The following UNC5B variants were observed in gnomAD, a reference collection of about 807,000 sequenced individuals.
The protein encoded by UNC5B is unc-5 netrin receptor B.
UNC5B carries 56 observed loss-of-function variants against 103.7 expected under a neutral mutation model. The ratio of observed to expected loss-of-function variants is 0.54; its 90% CI spans 0.44 to 0.67. The LOEUF (loss-of-function observed/expected upper bound fraction) is 0.67. Ranked by LOEUF, UNC5B falls within the 30% of genes least tolerant of loss-of-function variation. UNC5B has a pLI of 0.00. For missense variants in UNC5B, 1,194 were observed against 1,284.5 expected (o/e 0.93, Z 1.08); for synonymous variants, 577 against 542.0 (o/e 1.06, Z -0.90).
At chr10:71,235,191 A>G (rs1843752940) in intron 1 of UNC5B, among the ~76,000 whole-genome samples, 1 of 151,948 alleles carries the variant, frequency 6.6e-6, no homozygotes, top group African/African-American at 2.4e-5. Flanking sequence ...CTTCTTTCCA[A>G]ATCTGTTCCC....
intron 1 of UNC5B, among the ~76,000 whole-genome samples, chr10:71,224,111 A>G (rs1292870858): frequency 1.3e-5 from 2 of 152,204 alleles, no homozygotes; most frequent in Non-Finnish European, 2.9e-5. Flanking sequence ...CCAGAGGCTG[A>G]TCTGGAATTC....
At chr10:71,271,564 G>T (rs1420204359) in intron 1 of UNC5B, among the ~76,000 whole-genome samples, 1 of 152,230 alleles carries the variant, frequency 6.6e-6, no homozygotes, top group Non-Finnish European at 1.5e-5. Flanking sequence ...GAGGGCCTTG[G>T]GGGTGGAAGT....
intron 1 of UNC5B, among the ~76,000 whole-genome samples, chr10:71,240,165 C>T (rs770042976): frequency 2.6e-5 from 4 of 152,328 alleles, no homozygotes; most frequent in Non-Finnish European, 4.4e-5. Flanking sequence ...CCGCGCTTCT[C>T]GTGTGCCAAC....
In UNC5B at chr10:71,280,024, G is replaced by T; in HGVS notation, c.283G>T (p.Glu95Ter). ...CAGCCAGAACGACCACGTCACACAG[G>T]AAGGCCTGGATGAGGCCACCGGTGA... ...WVSQNDHVTQ[E>*]GLDEATGLRV... Residue 95 changes from glutamate (E) to a stop codon, truncating the protein, a stop_gained, in exon 2 of 17, where the codon GAA (glutamate) becomes TAA (stop). Coordinates refer to ENST00000335350, the MANE Select transcript of UNC5B (RefSeq NM_170744.5). LOFTEE classifies it high-confidence loss of function. 6.2e-7 allele frequency: 1 copy of T among 1,613,936 alleles called. No individual in the cohort carries two copies. Among genetic ancestry groups the T allele is most frequent in the South Asian group, 1.1e-5 (1 of 91,078 alleles).
intron 1 of UNC5B, among the ~76,000 whole-genome samples, chr10:71,223,710 C>T (rs1270493237): frequency 1.3e-5 from 2 of 152,148 alleles, no homozygotes; most frequent in Non-Finnish European, 2.9e-5. Flanking sequence ...GTCCAGGCGA[C>T]TTTAAAATGT....
chr10:71,285,562 G>T lies in UNC5B; in HGVS notation c.552+133G>T. The T allele has an allele frequency of 3.8e-6, 3 of 794,190 alleles. No individual in the cohort carries two copies. In the South Asian group the frequency reaches 5.5e-5, roughly 14 times the overall value. 49.2% of individuals were successfully genotyped at this position (794,190 alleles called of 1,614,324 possible). On this transcript the variant is annotated intron_variant, in intron 4 of 16. Coordinates refer to ENST00000335350, the MANE Select transcript of UNC5B (RefSeq NM_170744.5). ...TGCCCCTTTCGCAGATGAGATCGAGGCTTAGCACAGAGAAGAGAACTGTTA... is the reference window on the plus strand; with the variant it reads ...TGCCCCTTTCGCAGATGAGATCGAGTCTTAGCACAGAGAAGAGAACTGTTA...
chr10:71,263,722 TG>T (rs1844465699), intron 1 of UNC5B, among the ~76,000 whole-genome samples: 1 of 152,210 alleles, frequency 6.6e-6, no homozygotes, highest in Non-Finnish European at 1.5e-5. Flanking sequence ...GTTTTGAACT[TG>T]GAATCCCAGA....
chr10:71,272,379 G>A (rs1197153325), intron 1 of UNC5B, among the ~76,000 whole-genome samples: 2 of 152,176 alleles, frequency 1.3e-5, no homozygotes, highest in Non-Finnish European at 2.9e-5. Flanking sequence ...AAGCCTGGGG[G>A]TCCCAGGCCT....
chr10:71,280,060 C>A lies in UNC5B; in HGVS notation c.304+15C>A. 1 of 1,612,540 alleles carries A rather than the reference C, an allele frequency of 6.2e-7. No homozygotes were observed. The highest frequency in any genetic ancestry group is 8.5e-7 in the Non-Finnish European group (1 of 1,179,806). On this transcript the variant is annotated intron_variant, in intron 2 of 16. Coordinates refer to ENST00000335350, the MANE Select transcript of UNC5B (RefSeq NM_170744.5). ...TGAGGCCACCGGTGAGCCCGCCCCA[C>A]TTGCCTGGGCACCCCAGGACACCCC...
chr10:71,259,658 ACT>A (rs1844369647), intron 1 of UNC5B, among the ~76,000 whole-genome samples: 1 of 151,914 alleles, frequency 6.6e-6, no homozygotes, highest in Non-Finnish European at 1.5e-5. Flanking sequence ...CACATACATG[ACT>A]CTGTTTACCA....
intron 1 of UNC5B, among the ~76,000 whole-genome samples, chr10:71,214,068 A>G (rs190360955): frequency 2.0e-4 from 31 of 152,224 alleles, no homozygotes; most frequent in Non-Finnish European, 3.1e-4. Flanking sequence ...CCCGAACCCA[A>G]GCAAGTGGGC....
intron 15 of UNC5B, among the ~76,000 whole-genome samples, 160 bp from the exon 16 acceptor site, chr10:71,297,749 C>A (rs887960587): frequency 6.6e-6 from 1 of 152,230 alleles, no homozygotes; most frequent in Non-Finnish European, 1.5e-5. Flanking sequence ...CCTTGGGAAC[C>A]GACCCTTCAA....
chr10:71,250,008 G>A (rs997305399), intron 1 of UNC5B, among the ~76,000 whole-genome samples: 1 of 152,240 alleles, frequency 6.6e-6, no homozygotes, highest in Admixed American at 6.5e-5. Flanking sequence ...TAAGTGGAAA[G>A]TGTGTGGCCA....
intron 1 of UNC5B, among the ~76,000 whole-genome samples, chr10:71,273,582 G>A (rs1844696813): frequency 1.3e-5 from 2 of 152,212 alleles, no homozygotes; most frequent in African/African-American, 2.4e-5. Flanking sequence ...TGCTCATCCA[G>A]GTGGGTCAGA....
At chr10:71,267,220 C>G (rs921428517) in intron 1 of UNC5B, among the ~76,000 whole-genome samples, 1 of 152,178 alleles carries the variant, frequency 6.6e-6, no homozygotes, top group African/African-American at 2.4e-5. Flanking sequence ...GGTCCCATTT[C>G]TCAGAAAGGA....
Position 71,284,775 on chromosome 10 carries a change from C to A in UNC5B, c.360C>A (p.Leu120=), listed in dbSNP as rs1295944857. 8.7e-6 allele frequency: 14 copies of A among 1,613,500 alleles called. No individual in the cohort carries two copies. Among genetic ancestry groups the A allele is most frequent in the Non-Finnish European group, 1.0e-5 (12 of 1,179,808 alleles). Residue 120 remains leucine, a synonymous_variant, in exon 3 of 17, where the codon CTC becomes CTA. Transcript: ENST00000335350. ...IEVSRQQVEE[L]FGLEDYWCQC... ...TGTCGCGGCAGCAGGTGGAGGAGCTCTTTGGGCTGGAGGATTACTGGTGCC... is the reference window on the plus strand; with the variant it reads ...TGTCGCGGCAGCAGGTGGAGGAGCTATTTGGGCTGGAGGATTACTGGTGCC...
At chr10:71,273,487 C>T (rs552637707) in intron 1 of UNC5B, among the ~76,000 whole-genome samples, 1 of 152,206 alleles carries the variant, frequency 6.6e-6, no homozygotes, top group South Asian at 2.1e-4. Flanking sequence ...TGGAGCCACC[C>T]CCTCCTCTGA....
intron 11 of UNC5B, 108 bp downstream of exon 11, chr10:71,292,662 A>G (rs1845296358): frequency 1.1e-6 from 1 of 926,184 alleles, no homozygotes; most frequent in Non-Finnish European, 1.7e-6. Flanking sequence ...CAGTCCTCCA[A>G]GGAAAGTATT....
chr10:71,221,343 C>G (rs1843448731), intron 1 of UNC5B, among the ~76,000 whole-genome samples: 1 of 152,210 alleles, frequency 6.6e-6, no homozygotes, highest in Non-Finnish European at 1.5e-5. Flanking sequence ...TTGTCACCCA[C>G]TCCGAAGCTC....
Sources: allele counts gnomAD v4.1 joint callset (sites outside exome capture counted in the v4.1 genomes callset), GRCh38; gene constraint gnomAD v4.1.1; transcripts MANE v1.5; gene names NCBI Gene and HGNC (gene_info 2026-07-23, HGNC 2026-07-21).